AADAT: variants seen among roughly 807,000 people sequenced by gnomAD.
AADAT encodes aminoadipate aminotransferase, also known as kynurenine/alpha-aminoadipate aminotransferase, mitochondrial.
In AADAT, 25 loss-of-function variants were observed where a neutral mutation model predicts 56.2. The ratio of observed to expected loss-of-function variants is 0.44; its 90% CI spans 0.32 to 0.62. AADAT has a LOEUF of 0.62. Among genes scored for constraint, AADAT ranks in the 20% least tolerant of loss-of-function variants. The pLI is 0.04. For missense variants in AADAT, 387 were observed against 510.5 expected, an observed-to-expected ratio of 0.76 and a Z score of 2.33; for synonymous variants, 173 against 164.7, an observed-to-expected ratio of 1.05 and a Z score of -0.39.
intron 12 of AADAT, 103 bp from the exon 13 acceptor site, chr4:170,061,072 T>G: frequency 2.6e-6 from 2 of 775,000 alleles, no homozygotes; most frequent in South Asian, 2.7e-5. Context: ...TGTCTAAGGT[T>G]GAGAGAAGGC....
intron 6 of AADAT, among the ~76,000 whole-genome samples, chr4:170,070,094 C>T (rs931947096): frequency 2.6e-5 from 4 of 152,132 alleles, no homozygotes; most frequent in Admixed American, 2.0e-4. Context: ...GATGCCTCCT[C>T]TTGTGTCCAT....
At chr4:170,063,253 A>T (rs1370715376) in intron 11 of AADAT, among the ~76,000 whole-genome samples, 2 of 152,238 alleles carry the variant, frequency 1.3e-5, no homozygotes, top group African/African-American at 4.8e-5. Flanking sequence ...TAATCTCTTC[A>T]CAAGATAACC....
upstream of AADAT, among the ~76,000 whole-genome samples, chr4:170,091,135 T>C (rs1732807778): frequency 6.6e-6 from 1 of 152,198 alleles, no homozygotes; most frequent in Non-Finnish European, 1.5e-5. Flanking sequence ...TGACCGCGCT[T>C]GAGGGGCCCT....
At chr4:170,067,864 G>A (rs1731551914) in intron 8 of AADAT, among the ~76,000 whole-genome samples, 1 of 152,176 alleles carries the variant, frequency 6.6e-6, no homozygotes, top group Non-Finnish European at 1.5e-5. Flanking sequence ...TAGGCTGGGT[G>A]CGATGGCTCA....
At chr4:170,071,628 A>C (rs938392790) in intron 5 of AADAT, among the ~76,000 whole-genome samples, 16 of 152,168 alleles carry the variant, frequency 1.1e-4, no homozygotes, top group Admixed American at 9.8e-4. Context: ...CTTTATACTG[A>C]CATTTCTGCA....
rs971926836 is a variant in AADAT, at chr4:170,068,771, A to G, written c.804-84T>C. On this transcript the variant is annotated intron_variant, in intron 7 of 12. Transcript: ENST00000337664. ...CTTTCCTGATTTCATTAGACAGACAATTGTGACCTGGGGACAAAAGGATCT... is the reference window on the plus strand; with the variant it reads ...CTTTCCTGATTTCATTAGACAGACAGTTGTGACCTGGGGACAAAAGGATCT... 65 of 867,968 alleles carry G rather than the reference A, an allele frequency of 7.5e-5. No homozygotes were observed. In the African/African-American group the frequency reaches 8.7e-4, roughly 12 times the overall value. The allele number at this position is 867,968 out of a possible 1,614,324, so 53.8% of individuals were successfully genotyped here.
chr4:170,089,968 G>C, upstream of AADAT: 1 of 240,608 alleles, frequency 4.2e-6, no homozygotes, highest in Non-Finnish European at 8.0e-6. Context: ...CGGCCGCCAG[G>C]GCCCAGGCCG....
At chr4:170,077,893 A>G (rs1732112720) in intron 4 of AADAT, among the ~76,000 whole-genome samples, 1 of 152,208 alleles carries the variant, frequency 6.6e-6, no homozygotes, top group Non-Finnish European at 1.5e-5. Context: ...ACCATTCATC[A>G]TATGATATGG....
intron 4 of AADAT, among the ~76,000 whole-genome samples, chr4:170,077,262 A>T (rs1225471843): frequency 6.6e-6 from 1 of 152,172 alleles, no homozygotes; most frequent in Non-Finnish European, 1.5e-5. Flanking sequence ...ATTGTATTGA[A>T]TCTGTAAATT....
chr4:170,093,798 A>C (rs965426013), upstream of AADAT, among the ~76,000 whole-genome samples: 2 of 152,176 alleles, frequency 1.3e-5, no homozygotes, highest in Admixed American at 1.3e-4. Flanking sequence ...GGGTCTCCCT[A>C]TGTTGCCCAG....
chr4:170,075,571 A>G (rs574765700), intron 4 of AADAT, among the ~76,000 whole-genome samples: 30 of 152,204 alleles, frequency 2.0e-4, no homozygotes, highest in Admixed American at 5.2e-4. Flanking sequence ...AGCTGCCCAA[A>G]GTGCTGGGAT....
chr4:170,067,185 T>C (rs917518924), intron 9 of AADAT, 142 bp downstream of exon 9: 1 of 569,938 alleles, frequency 1.8e-6, no homozygotes, highest in Non-Finnish European at 3.0e-6. Flanking sequence ...AATAGACTTT[T>C]GACTTATAAT....
At chr4:170,078,640 T>C (rs2111189919) in intron 3 of AADAT, 57 bp from the exon 4 acceptor site, 11 of 1,248,260 alleles carry the variant, frequency 8.8e-6, no homozygotes, top group East Asian at 2.5e-5. Flanking sequence ...ACTGTTTCCA[T>C]GCTCAGAAGC....
intron 3 of AADAT, among the ~76,000 whole-genome samples, chr4:170,085,517 G>A (rs1452841173): frequency 6.6e-6 from 1 of 152,182 alleles, no homozygotes; most frequent in Admixed American, 6.5e-5. Context: ...TCTGTAAGTA[G>A]TAAGTTATTG....
At chr4:170,067,877 C>T (rs1731553049) in intron 8 of AADAT, among the ~76,000 whole-genome samples, 1 of 152,120 alleles carries the variant, frequency 6.6e-6, no homozygotes, top group African/African-American at 2.4e-5. Flanking sequence ...ATGGCTCATG[C>T]CTGTAATCCC....
At chr4:170,082,627 A>C (rs188175884) in intron 3 of AADAT, among the ~76,000 whole-genome samples, 4 of 152,300 alleles carry the variant, frequency 2.6e-5, no homozygotes, top group Non-Finnish European at 5.9e-5. Flanking sequence ...TCCCATTAAA[A>C]GGCATGGAGT....
chr4:170,078,057 C>G (rs1204717861), intron 4 of AADAT, among the ~76,000 whole-genome samples: 1 of 152,162 alleles, frequency 6.6e-6, no homozygotes, highest in Admixed American at 6.5e-5. Context: ...CTTCCTCATT[C>G]TGTAAATCAC....
At chr4:170,076,577 T>C (rs1038022454) in intron 4 of AADAT, among the ~76,000 whole-genome samples, 12 of 152,200 alleles carry the variant, frequency 7.9e-5, no homozygotes, top group Non-Finnish European at 1.8e-4. Flanking sequence ...TTTATCTTTC[T>C]GTTGTTGAGT....
At position 170,064,761 on chromosome 4, in the gene AADAT, A is replaced by G. The variant is rs767901420; in HGVS notation, c.1092T>C (p.Asn364=). The G allele has an allele frequency of 6.2e-7, 1 of 1,611,850 alleles. No homozygotes were observed. Among genetic ancestry groups the G allele is most frequent in the Non-Finnish European group, 8.5e-7 (1 of 1,179,574 alleles). ...MFLWIKVKGI[N]DVKELIEEKA... is the part of the protein sequence containing the mutation. ...TTTCTTCAATCAGTTCTTTTACATC[A>G]TTAATGCCTTTAACTTTAATCCATA... Residue 364 remains asparagine, a synonymous_variant, in exon 11 of 13, where the codon AAT becomes AAC. Transcript: ENST00000337664.
Sources: gnomAD v4.1 joint callset for allele counts (sites outside exome capture counted in the v4.1 genomes callset) on GRCh38, gnomAD v4.1.1 for gene constraint, MANE v1.5 for transcripts, NCBI Gene and HGNC (gene_info 2026-07-23, HGNC 2026-07-21) for gene names.